Variants in SPECC1 observed in about 807,000 individuals in gnomAD.
SPECC1 encodes the protein sperm antigen with calponin homology and coiled-coil domains 1, also known as cytospin-B.
In SPECC1, 62 loss-of-function variants were observed where a neutral mutation model predicts 104.1. That is an observed-to-expected ratio of 0.60 (90% CI 0.49 to 0.74). The LOEUF is 0.74. SPECC1 is among the 30% of genes least tolerant of loss of function. The pLI is 0.00. For missense variants in SPECC1, 1,306 were observed against 1,310.5 expected, an observed-to-expected ratio of 1.00 and a Z score of 0.05; for synonymous variants, 513 against 501.6, an observed-to-expected ratio of 1.02 and a Z score of -0.30.
chr17:20,146,370 G>T (rs992263434), intron 3 of SPECC1, among the ~76,000 whole-genome samples: 2 of 152,156 alleles, frequency 1.3e-5, no homozygotes, highest in Non-Finnish European at 2.9e-5. Context: ...GTTCCTCCAT[G>T]TCTTTTTGTG....
chr17:20,309,927 T>C (rs941024186), intron 14 of SPECC1, among the ~76,000 whole-genome samples: 2 of 151,658 alleles, frequency 1.3e-5, no homozygotes, highest in Non-Finnish European at 2.9e-5. Flanking sequence ...AAGCAATTCT[T>C]CTGCCTCAGC....
chr17:20,202,823 C>A (rs1387312757), intron 3 of SPECC1, among the ~76,000 whole-genome samples: 3 of 152,152 alleles, frequency 2.0e-5, no homozygotes, highest in African/African-American at 7.2e-5. Flanking sequence ...CAGGGGTCAA[C>A]TATATTAAAA....
At chr17:20,050,714 G>C (rs942462990) in intron 1 of SPECC1, among the ~76,000 whole-genome samples, 1 of 152,172 alleles carries the variant, frequency 6.6e-6, no homozygotes, top group Admixed American at 6.5e-5. Context: ...GAATTTTCAG[G>C]TAAAATTGTC....
intron 1 of SPECC1, among the ~76,000 whole-genome samples, chr17:20,041,716 C>T (rs1190135888): frequency 6.8e-6 from 1 of 147,686 alleles, no homozygotes; most frequent in Non-Finnish European, 1.5e-5. Context: ...CTCCTCTTCC[C>T]AGGTTCATGC....
chr17:20,298,948 A>AGAGAGTGTGTGTGTGTGTGT lies in SPECC1; in HGVS notation c.3057+1872_3057+1873insAGAGTGTGTGTGTGTGTGTG. On this transcript the variant is annotated intron_variant, in intron 13 of 14. Transcript: ENST00000395527. ...GAGAGAGAGAGAGAGAGAGAGAGAG[A>AGAGAGTGTGTGTGTGTGTGT]GTGTGTGTGTGTGTGTGTGTGTGTA... 4.6e-3 allele frequency among the ~76,000 whole-genome samples: 225 copies of AGAGAGTGTGTGTGTGTGTGT among 49,014 alleles called. 1 individual carries two copies. Among genetic ancestry groups the AGAGAGTGTGTGTGTGTGTGT allele is most frequent in the Non-Finnish European group, 6.5e-3 (176 of 27,220 alleles). The allele number at this position is 49,014 out of a possible 152,430, so 32.2% of individuals were successfully genotyped here. A position where few individuals can be genotyped will look rare whatever the true frequency, so the allele number is the denominator to read the frequency against.
intron 1 of SPECC1, among the ~76,000 whole-genome samples, chr17:20,061,724 T>G (rs996507300): frequency 1.3e-5 from 2 of 152,228 alleles, no homozygotes; most frequent in African/African-American, 4.8e-5. Flanking sequence ...TTTCTATAAC[T>G]TACTGACTTC....
At chr17:20,259,184 A>G (rs2039940439) in intron 11 of SPECC1, among the ~76,000 whole-genome samples, 1 of 152,232 alleles carries the variant, frequency 6.6e-6, no homozygotes, top group South Asian at 2.1e-4. Flanking sequence ...GGACCCAAAT[A>G]GATGAAGTCA....
intron 3 of SPECC1, among the ~76,000 whole-genome samples, chr17:20,126,107 A>G (rs902712666): frequency 1.3e-5 from 2 of 151,834 alleles, no homozygotes; most frequent in African/African-American, 4.8e-5. Context: ...AACTCTTTCC[A>G]TCCAGGTCCT....
chr17:20,143,175 G>GA (rs35425849), intron 3 of SPECC1, among the ~76,000 whole-genome samples: 74,354 of 140,010 alleles, frequency 0.53, 19,903 homozygotes, highest in Non-Finnish European at 0.6. Context: ...TTCTTTATAG[G>GA]AAAAAAAAAA....
intron 12 of SPECC1, among the ~76,000 whole-genome samples, chr17:20,278,544 G>A (rs551372455): frequency 2.6e-5 from 4 of 152,300 alleles, no homozygotes; most frequent in Admixed American, 2.6e-4. Context: ...TATTAATCTG[G>A]TTAAAGGTTC....
chr17:20,061,524 G>C (rs1206405739), intron 1 of SPECC1, among the ~76,000 whole-genome samples: 1 of 152,156 alleles, frequency 6.6e-6, no homozygotes, highest in Non-Finnish European at 1.5e-5. Context: ...GAGTGCACCT[G>C]GTAGATCCTT....
At chr17:20,051,058 CTTTCTTTCTT>C (rs1432561348) in intron 1 of SPECC1, among the ~76,000 whole-genome samples, 1 of 134,624 alleles carries the variant, frequency 7.4e-6, no homozygotes, top group Non-Finnish European at 1.7e-5. Flanking sequence ...TTCTTTCTTT[CTTTCTTTCTT>C]TTTCTTTCTT....
intron 14 of SPECC1, among the ~76,000 whole-genome samples, chr17:20,313,298 G>A (rs2041979312): frequency 1.3e-5 from 2 of 152,218 alleles, no homozygotes; most frequent in South Asian, 4.1e-4. Flanking sequence ...TAGTAACAAT[G>A]CTGGTAAAAT....
At chr17:20,172,805 G>T (rs190602137) in intron 3 of SPECC1, among the ~76,000 whole-genome samples, 1 of 152,140 alleles carries the variant, frequency 6.6e-6, no homozygotes, top group Non-Finnish European at 1.5e-5. Flanking sequence ...AAAATGAGAC[G>T]GTGTGTGCGA....
At chr17:20,197,881 G>T (rs1209054052) in intron 3 of SPECC1, among the ~76,000 whole-genome samples, 1 of 152,162 alleles carries the variant, frequency 6.6e-6, no homozygotes, top group African/African-American at 2.4e-5. Flanking sequence ...ACTAGCCTTA[G>T]AATTTTTTTT....
chr17:20,013,441 C>T (rs774420008), intron 1 of SPECC1, among the ~76,000 whole-genome samples: 1 of 151,946 alleles, frequency 6.6e-6, no homozygotes, highest in African/African-American at 2.4e-5. Context: ...TAGCTTTAGC[C>T]CATTTATATT....
chr17:20,302,500 A>G (rs2041621877), intron 13 of SPECC1, among the ~76,000 whole-genome samples: 1 of 152,086 alleles, frequency 6.6e-6, no homozygotes. Flanking sequence ...GCATTGGGAT[A>G]ATAACACTTG....
chr17:20,188,137 G>T (rs980130494), intron 3 of SPECC1, among the ~76,000 whole-genome samples: 15 of 152,148 alleles, frequency 9.9e-5, no homozygotes, highest in Admixed American at 8.5e-4. Context: ...TTAGTAGATG[G>T]CAACAGAAGT....
chr17:20,256,705 T>C (rs943707121), intron 10 of SPECC1, among the ~76,000 whole-genome samples: 4 of 152,178 alleles, frequency 2.6e-5, no homozygotes, highest in Non-Finnish European at 5.9e-5. Context: ...TTCCGCACTT[T>C]TATGGTCCTT....
Sources: allele counts gnomAD v4.1 joint callset (sites outside exome capture counted in the v4.1 genomes callset), GRCh38; gene constraint gnomAD v4.1.1; transcripts MANE v1.5; gene names NCBI Gene and HGNC (gene_info 2026-07-23, HGNC 2026-07-21).